Variants in GPHN observed in about 807,000 individuals in gnomAD.
The protein encoded by GPHN is gephyrin.
Under a neutral mutation model 95.5 loss-of-function variants are expected in GPHN, and 17 were observed. The observed-to-expected ratio is 0.18, with a 90% CI of 0.12 to 0.27. The LOEUF is 0.27. Ranked by LOEUF, GPHN falls within the 10% of genes least tolerant of loss-of-function variation. The pLI is 1.00. For missense variants in GPHN, 660 were observed against 978.1 expected (o/e 0.67, Z 4.34); for synonymous variants, 320 against 322.5 (o/e 0.99, Z 0.08).
chr14:66,804,099 C>G (rs1481875542), intron 3 of GPHN, among the ~76,000 whole-genome samples: 1 of 152,056 alleles, frequency 6.6e-6, no homozygotes, highest in African/African-American at 2.4e-5. Flanking sequence ...GTAAAAGACT[C>G]ATATTGGCCA....
chr14:67,492,580 C>T, the GPHN span, among the ~76,000 whole-genome samples: 10 of 152,312 alleles, frequency 6.6e-5, no homozygotes, highest in East Asian at 3.9e-4. Context: ...GTGATGGGGA[C>T]CCTGCCCCTT....
At chr14:66,665,756 A>C (rs1043560771) in intron 1 of GPHN, among the ~76,000 whole-genome samples, 2 of 152,194 alleles carry the variant, frequency 1.3e-5, no homozygotes, top group Non-Finnish European at 2.9e-5. Flanking sequence ...CTGGGTATAT[A>C]CCCAAAGGAT....
chr14:67,194,606 A>G, the GPHN span, among the ~76,000 whole-genome samples: 1 of 152,088 alleles, frequency 6.6e-6, no homozygotes. Flanking sequence ...CCCGGGTTCA[A>G]GAGATTCTCC....
At chr14:66,700,885 G>A (rs780267823) in intron 2 of GPHN, among the ~76,000 whole-genome samples, 5 of 151,884 alleles carry the variant, frequency 3.3e-5, no homozygotes, top group African/African-American at 1.2e-4. Flanking sequence ...TTGCACCACT[G>A]CACTCCAGCC....
At chr14:66,528,293 T>C (rs984305935) in intron 1 of GPHN, among the ~76,000 whole-genome samples, 9 of 152,208 alleles carry the variant, frequency 5.9e-5, no homozygotes, top group African/African-American at 2.2e-4. Context: ...CACTTCTGCT[T>C]TTTTTGCTTT....
At chr14:67,585,517 T>C in the GPHN span, 4 of 1,281,556 alleles carry the variant, frequency 3.1e-6, no homozygotes, top group African/African-American at 1.5e-5. Flanking sequence ...TTATTATAGT[T>C]CAAAATCTCT....
chr14:67,669,577 A>AT, the GPHN span, among the ~76,000 whole-genome samples: 99 of 151,914 alleles, frequency 6.5e-4, no homozygotes, highest in African/African-American at 2.3e-3. Flanking sequence ...CCCGTATGTT[A>AT]TTTTTAATGG....
At chr14:67,319,372 G>C in the GPHN span, among the ~76,000 whole-genome samples, 1 of 152,148 alleles carries the variant, frequency 6.6e-6, no homozygotes, top group African/African-American at 2.4e-5. Flanking sequence ...TGGGCTTTAG[G>C]AATGTTACCC....
intron 1 of GPHN, among the ~76,000 whole-genome samples, chr14:66,545,933 A>G (rs1177566282): frequency 1.4e-5 from 2 of 147,116 alleles, no homozygotes; most frequent in Non-Finnish European, 1.5e-5. Flanking sequence ...TCCTTCCTGG[A>G]CGGGGTGGCT....
chr14:67,405,171 T>A, the GPHN span, among the ~76,000 whole-genome samples: 1 of 140,156 alleles, frequency 7.1e-6, no homozygotes, highest in African/African-American at 2.7e-5. Flanking sequence ...AAGTGGAGGT[T>A]GCAGTGAGCC....
chr14:67,063,882 G>A (rs2075926260), intron 11 of GPHN, among the ~76,000 whole-genome samples: 1 of 152,166 alleles, frequency 6.6e-6, no homozygotes, highest in South Asian at 2.1e-4. Flanking sequence ...TGCAAACAGA[G>A]ACAATTTGAC....
At chr14:67,125,641 G>C (rs974611134) in intron 17 of GPHN, among the ~76,000 whole-genome samples, 5 of 152,174 alleles carry the variant, frequency 3.3e-5, no homozygotes, top group Non-Finnish European at 7.4e-5. Flanking sequence ...GCTAGGCATG[G>C]TGGTGCATGC....
chr14:66,958,279 C>T (rs2068668601), intron 8 of GPHN, among the ~76,000 whole-genome samples: 1 of 151,978 alleles, frequency 6.6e-6, no homozygotes, highest in African/African-American at 2.4e-5. Context: ...TTGATTTTGT[C>T]TGATATTACT....
chr14:66,606,445 C>T (rs1253128066), intron 1 of GPHN, among the ~76,000 whole-genome samples: 1 of 151,944 alleles, frequency 6.6e-6, no homozygotes, highest in African/African-American at 2.4e-5. Flanking sequence ...TTAGTATTGC[C>T]TTGGCGATTT....
chr14:67,415,376 T>C, the GPHN span, among the ~76,000 whole-genome samples: 1 of 152,350 alleles, frequency 6.6e-6, no homozygotes, highest in East Asian at 1.9e-4. Flanking sequence ...AATTTAATCA[T>C]TCCCATGTAG....
chr14:67,198,980 C>T, the GPHN span: 8 of 703,780 alleles, frequency 1.1e-5, no homozygotes, highest in South Asian at 1.2e-4. Flanking sequence ...AGAAGCTGCT[C>T]AGCTGATTTC....
At chr14:67,543,124 GTT>G in the GPHN span, among the ~76,000 whole-genome samples, 4 of 152,170 alleles carry the variant, frequency 2.6e-5, no homozygotes, top group Non-Finnish European at 5.9e-5. Flanking sequence ...GTATAGTTTT[GTT>G]TATAGTATCC....
At chr14:67,651,590 T>TTGATCACACAGCCACTTAGCA in the GPHN span, 11 of 1,244,740 alleles carry the variant, frequency 8.8e-6, no homozygotes, top group Non-Finnish European at 1.1e-5. Context: ...GGCTGTATGT[T>TTGATCACACAGCCACTTAGCA]TGATCACACA....
At chr14:67,443,450 C>G in the GPHN span, among the ~76,000 whole-genome samples, 1 of 152,116 alleles carries the variant, frequency 6.6e-6, no homozygotes, top group Admixed American at 6.5e-5. Flanking sequence ...GAAGGCATTT[C>G]AAGCCGATGG....
Sources: allele counts gnomAD v4.1 joint callset (sites outside exome capture counted in the v4.1 genomes callset), GRCh38; gene constraint gnomAD v4.1.1; transcripts MANE v1.5; gene names NCBI Gene and HGNC (gene_info 2026-07-23, HGNC 2026-07-21).